MYO5B: variants seen among roughly 807,000 people sequenced by gnomAD.
MYO5B encodes unconventional myosin-Vb.
MYO5B carries 143 observed loss-of-function variants against 229.3 expected under a neutral mutation model. The ratio of observed to expected loss-of-function variants is 0.62; its 90% confidence interval spans 0.54 to 0.72. The LOEUF (loss-of-function observed/expected upper bound fraction) is 0.72, where lower values mean the gene tolerates loss of function less well. MYO5B is among the 30% of genes least tolerant of loss of function. The pLI is 0.00. For synonymous variants in MYO5B, 918 were observed against 885.2 expected (o/e 1.04, Z -0.66); for missense variants, 2,321 against 2,331.0 (o/e 1.00, Z 0.09).
intron 39 of MYO5B, 148 bp downstream of exon 39, chr18:49,835,196 C>T (rs1159282594): frequency 1.1e-5 from 7 of 653,200 alleles, no homozygotes; most frequent in Non-Finnish European, 1.9e-5. Context: ...TCATGTTTAC[C>T]TAAGTAGAAA....
chr18:50,160,196 C>T (rs1386189219), intron 1 of MYO5B, among the ~76,000 whole-genome samples: 1 of 152,236 alleles, frequency 6.6e-6, no homozygotes, highest in Admixed American at 6.5e-5. Flanking sequence ...ACCTATGACC[C>T]TAACGTAGGG....
chr18:49,871,209 A>G (rs4939901), intron 27 of MYO5B, among the ~76,000 whole-genome samples: 36,378 of 151,980 alleles, frequency 0.24, 4,438 homozygotes, highest in East Asian at 0.41. Context: ...TTCTACTTAC[A>G]TGAGGAACCT....
intron 14 of MYO5B, among the ~76,000 whole-genome samples, chr18:49,937,919 G>A (rs899318913): frequency 5.9e-5 from 9 of 152,152 alleles, no homozygotes; most frequent in African/African-American, 1.9e-4. Context: ...ACTTTTAGTG[G>A]TGATGACTGC....
chr18:49,971,470 G>T (rs2025691373), intron 10 of MYO5B, among the ~76,000 whole-genome samples: 1 of 152,204 alleles, frequency 6.6e-6, no homozygotes, highest in African/African-American at 2.4e-5. Flanking sequence ...GTTCTGTGTT[G>T]TTTTCTCCCA....
chr18:50,043,222 G>T (rs1442608616), intron 2 of MYO5B, among the ~76,000 whole-genome samples: 5 of 139,958 alleles, frequency 3.6e-5, no homozygotes, highest in Non-Finnish European at 6.0e-5. Flanking sequence ...TGTGGTGTGT[G>T]TGTATATATA....
At chr18:49,848,059 A>G (rs530576) in intron 32 of MYO5B, among the ~76,000 whole-genome samples, 67,176 of 152,168 alleles carry the variant, frequency 0.44, 15,390 homozygotes, top group Middle Eastern at 0.55. Context: ...CAACCACAGC[A>G]TCACTCCCAA....
intron 1 of MYO5B, chr18:50,097,216 A>AC (rs1206523246): frequency 2.2e-6 from 1 of 455,702 alleles, no homozygotes; most frequent in Admixed American, 2.4e-5. Context: ...CATCACTCCC[A>AC]CCTCCGCATC....
chr18:49,835,284 T>A, intron 39 of MYO5B, 60 bp downstream of exon 39: 1 of 1,313,712 alleles, frequency 7.6e-7, no homozygotes, highest in Admixed American at 1.7e-5. Flanking sequence ...AAAGCCCAAA[T>A]TTTTAATTTC....
intron 1 of MYO5B, among the ~76,000 whole-genome samples, chr18:50,150,650 A>G (rs1255781893): frequency 6.6e-6 from 1 of 152,172 alleles, no homozygotes; most frequent in African/African-American, 2.4e-5. Context: ...ACATGGACAC[A>G]GGAGGGGGAA....
chr18:49,911,820 G>A (rs751365246), intron 18 of MYO5B, among the ~76,000 whole-genome samples: 8 of 152,124 alleles, frequency 5.3e-5, no homozygotes, highest in Admixed American at 2.0e-4. Flanking sequence ...CGAGAGGAGC[G>A]CTGCCACAGA....
chr18:50,150,499 A>G (rs1376115503), intron 1 of MYO5B, among the ~76,000 whole-genome samples: 1 of 149,056 alleles, frequency 6.7e-6, no homozygotes, highest in East Asian at 2.0e-4. Context: ...AATACTATGC[A>G]GCCATAAAAA....
chr18:50,029,371 G>A (rs1449600939), intron 4 of MYO5B, among the ~76,000 whole-genome samples: 1 of 152,154 alleles, frequency 6.6e-6, no homozygotes, highest in East Asian at 1.9e-4. Context: ...AGAAATAAGA[G>A]ACAGGGCCGG....
rs2023826050 is a variant in MYO5B, at chr18:49,825,142, A to G, written c.*1329T>C. ...AATACCATTTTTTTCTTATGGGAAC[A>G]GCATACTGCTATCAAGAAATACAGA... On this transcript the variant is annotated 3_prime_UTR_variant, in exon 40 of 40. Coordinates refer to ENST00000285039, the MANE Select transcript of MYO5B (RefSeq NM_001080467.3). 1 of 152,258 alleles carries G rather than the reference A, an allele frequency of 6.6e-6. No homozygotes were observed. Among genetic ancestry groups the G allele is most frequent in the East Asian group, 1.9e-4 (1 of 5,198 alleles). 9.4% of individuals were successfully genotyped at this position (152,258 alleles called of 1,614,324 possible).
At chr18:50,055,195 A>T in intron 2 of MYO5B, 73 bp downstream of exon 2, 1 of 1,003,094 alleles carries the variant, frequency 1.0e-6, no homozygotes, top group Non-Finnish European at 1.5e-6. Flanking sequence ...TGTACTATCT[A>T]CTCCTGTTCC....
At chr18:50,013,207 G>T (rs749401413) in intron 4 of MYO5B, among the ~76,000 whole-genome samples, 1 of 152,164 alleles carries the variant, frequency 6.6e-6, no homozygotes, top group Non-Finnish European at 1.5e-5. Context: ...CATTAGGCTG[G>T]CAGGAAAACT....
At chr18:50,123,607 G>A (rs750528746) in intron 1 of MYO5B, among the ~76,000 whole-genome samples, 1 of 152,040 alleles carries the variant, frequency 6.6e-6, no homozygotes, top group African/African-American at 2.4e-5. Flanking sequence ...AGGCATGGTG[G>A]TGCACCGTAC....
chr18:49,984,875 C>T lies in MYO5B; in HGVS notation c.839-50G>A, dbSNP rs542262008. The T allele has an allele frequency of 6.1e-6, 8 of 1,309,558 alleles. No individual in the cohort carries two copies. In the East Asian group the frequency reaches 1.4e-4, roughly 23 times the overall value. The allele number at this position is 1,309,558 out of a possible 1,614,324, so 81.1% of individuals were successfully genotyped here. A position where few individuals can be genotyped will look rare whatever the true frequency, so the allele number is the denominator to read the frequency against. Reference sequence around the variant, plus strand: ...ATGAGGCACTGGAGGACACTTCATCCCACAGATCGTGACCCATGAAAATTC... The same window carrying T: ...ATGAGGCACTGGAGGACACTTCATCTCACAGATCGTGACCCATGAAAATTC... On this transcript the variant is annotated intron_variant, in intron 7 of 39. Transcript: ENST00000285039.
At chr18:49,864,407 C>T (rs1357784206) in intron 27 of MYO5B, 27 bp from the exon 28 acceptor site, 2 of 1,611,470 alleles carry the variant, frequency 1.2e-6, no homozygotes, top group Admixed American at 3.3e-5. Context: ...GGGCCGCTGC[C>T]ATTACTCCCT....
chr18:50,132,874 T>G (rs2032275761), intron 1 of MYO5B, among the ~76,000 whole-genome samples: 1 of 152,242 alleles, frequency 6.6e-6, no homozygotes, highest in Non-Finnish European at 1.5e-5. Context: ...ACTGCTTTCC[T>G]CCACCTCCTT....
Sources: allele counts gnomAD v4.1 joint callset (sites outside exome capture counted in the v4.1 genomes callset), GRCh38; gene constraint gnomAD v4.1.1; transcripts MANE v1.5; gene names NCBI Gene and HGNC (gene_info 2026-07-23, HGNC 2026-07-21).